HS3ST4: variants seen among roughly 807,000 people sequenced by gnomAD.
HS3ST4 encodes heparan sulfate-glucosamine 3-sulfotransferase 4.
A neutral mutation model predicts 29.2 loss-of-function variants in HS3ST4; 17 were observed. The observed-to-expected ratio is 0.58, with a 90% CI of 0.40 to 0.87. HS3ST4 has a LOEUF of 0.87. HS3ST4 is among the 40% of genes least tolerant of loss of function. The pLI, the probability that HS3ST4 is intolerant of heterozygous loss-of-function variation, is 0.00. For synonymous variants in HS3ST4, 314 were observed against 285.7 expected (o/e 1.10, Z -1.00); for missense variants, 627 against 634.5 (o/e 0.99, Z 0.13).
intron 1 of HS3ST4, among the ~76,000 whole-genome samples, chr16:26,079,023 G>A (rs2141781371): frequency 6.6e-6 from 1 of 152,304 alleles, no homozygotes; most frequent in African/African-American, 2.4e-5. Context: ...TGTGGTGCTT[G>A]GCAGGAAGAA....
chr16:25,998,381 T>C (rs952177113), intron 1 of HS3ST4, among the ~76,000 whole-genome samples: 7 of 152,220 alleles, frequency 4.6e-5, no homozygotes, highest in African/African-American at 1.7e-4. Flanking sequence ...CTAGATAGTA[T>C]ACTTCTGTTA....
intron 1 of HS3ST4, among the ~76,000 whole-genome samples, chr16:25,949,452 GA>G (rs1209107521): frequency 6.6e-6 from 1 of 152,142 alleles, no homozygotes; most frequent in African/African-American, 2.4e-5. Context: ...TTGAACAAGT[GA>G]ATGTTCTTTT....
At position 26,006,202 on chromosome 16, in the gene HS3ST4, G is replaced by A. The variant is rs545065478; in HGVS notation, c.735-129410G>A. On this transcript the variant is annotated intron_variant, in intron 1 of 1. Coordinates refer to ENST00000331351, the MANE Select transcript of HS3ST4 (RefSeq NM_006040.3). The stretch of plus-strand genomic sequence containing the variant: ...TAGTCCCAGCTACTTGGGAGGCTGA[G>A]GCAGGAGAATTGCTTGAACCCAGGA... 1.5e-3 allele frequency among the ~76,000 whole-genome samples: 222 copies of A among 150,996 alleles called. 2 individuals are homozygous for A. Among genetic ancestry groups the A allele is most frequent in the Non-Finnish European group, 3.1e-4 (21 of 67,840 alleles).
intron 1 of HS3ST4, among the ~76,000 whole-genome samples, chr16:26,009,411 T>C (rs941750458): frequency 3.3e-5 from 5 of 152,228 alleles, no homozygotes; most frequent in African/African-American, 1.2e-4. Context: ...TGTTGATGGC[T>C]CAGTAAATAT....
At chr16:25,988,133 T>G (rs1435462677) in intron 1 of HS3ST4, among the ~76,000 whole-genome samples, 1 of 152,192 alleles carries the variant, frequency 6.6e-6, no homozygotes, top group Non-Finnish European at 1.5e-5. Context: ...GGCTGCCGGC[T>G]AATTCATCTG....
intron 1 of HS3ST4, among the ~76,000 whole-genome samples, chr16:25,778,073 A>G (rs1047672108): frequency 2.0e-5 from 3 of 151,908 alleles, no homozygotes; most frequent in Non-Finnish European, 4.4e-5. Context: ...ATTTTTCAGT[A>G]TTTCTTTTAT....
At chr16:26,050,164 C>A (rs1898322378) in intron 1 of HS3ST4, among the ~76,000 whole-genome samples, 1 of 152,184 alleles carries the variant, frequency 6.6e-6, no homozygotes, top group Non-Finnish European at 1.5e-5. Flanking sequence ...CAGTAACCAG[C>A]CCCATCCTGA....
intron 1 of HS3ST4, among the ~76,000 whole-genome samples, chr16:25,773,509 C>T (rs1966844778): frequency 6.6e-6 from 1 of 152,178 alleles, no homozygotes. Context: ...TAACTCTCAT[C>T]CCTAGCATGG....
At position 26,115,233 on chromosome 16, in the gene HS3ST4, GTGTA is replaced by G. The variant is rs1396499915; in HGVS notation, c.735-20375_735-20372del. On this transcript the variant is annotated intron_variant, in intron 1 of 1. Coordinates refer to ENST00000331351, the MANE Select transcript of HS3ST4 (RefSeq NM_006040.3). ...TGAATATATATATTCATGTATATGT[GTGTA>G]TGTGTGTGTATATATATATACATAT... 3.5e-4 allele frequency among the ~76,000 whole-genome samples: 47 copies of G among 134,856 alleles called. No individual in the cohort carries two copies. In the South Asian group the frequency reaches 0.011, roughly 31 times the overall value. The allele number at this position is 134,856 out of a possible 152,430, so 88.5% of individuals were successfully genotyped here. A position where few individuals can be genotyped will look rare whatever the true frequency, so the allele number is the denominator to read the frequency against.
intron 1 of HS3ST4, among the ~76,000 whole-genome samples, chr16:25,768,701 C>T (rs981387377): frequency 6.6e-6 from 1 of 152,036 alleles, no homozygotes; most frequent in Non-Finnish European, 1.5e-5. Context: ...TGAGGTCCTC[C>T]CTGTCTCAGT....
intron 1 of HS3ST4, among the ~76,000 whole-genome samples, chr16:25,932,418 C>T (rs565625295): frequency 6.6e-6 from 1 of 152,346 alleles, no homozygotes; most frequent in African/African-American, 2.4e-5. Context: ...CTACTTATTA[C>T]TTCCTTGCTG....
chr16:25,929,241 G>A (rs2141686663), intron 1 of HS3ST4, among the ~76,000 whole-genome samples: 1 of 152,190 alleles, frequency 6.6e-6, no homozygotes, highest in Non-Finnish European at 1.5e-5. Flanking sequence ...AATTAGCTGG[G>A]TGTGATGGTG....
intron 1 of HS3ST4, among the ~76,000 whole-genome samples, chr16:26,048,930 T>G (rs150815315): frequency 1.4e-3 from 218 of 152,292 alleles, no homozygotes; most frequent in Non-Finnish European, 2.8e-3. Context: ...TTGATCATAC[T>G]ATGTCTGTCA....
At chr16:26,041,186 T>C (rs56942727) in intron 1 of HS3ST4, among the ~76,000 whole-genome samples, 1 of 151,768 alleles carries the variant, frequency 6.6e-6, no homozygotes, top group Admixed American at 6.6e-5. Flanking sequence ...AAAGCATTTT[T>C]AAAAAATCAC....
rs542319113 is a variant in HS3ST4 at position 26,119,361 on chromosome 16, G to A, written c.735-16251G>A. ...CAAAGTGGCAGAGGAATGATGGAGC[G>A]ATGGGAAGAAGAAGTTAAATTTAGA... On this transcript the variant is annotated intron_variant, in intron 1 of 1. Transcript: ENST00000331351. Among the ~76,000 whole-genome samples the A allele has an allele frequency of 2.6e-5, 4 of 152,352 alleles. No homozygotes were observed. The East Asian group carries it at 5.8e-4, about 22-fold the overall frequency.
chr16:26,090,724 G>A (rs1035198737), intron 1 of HS3ST4, among the ~76,000 whole-genome samples: 4 of 152,224 alleles, frequency 2.6e-5, no homozygotes, highest in Admixed American at 6.5e-5. Flanking sequence ...TTAGAGTTGC[G>A]GAGCCTCCAA....
chr16:25,717,316 T>C (rs1966461008), intron 1 of HS3ST4, among the ~76,000 whole-genome samples: 1 of 152,104 alleles, frequency 6.6e-6, no homozygotes, highest in South Asian at 2.1e-4. Flanking sequence ...TGTAATCAAT[T>C]AAAGTAAATA....
intron 1 of HS3ST4, among the ~76,000 whole-genome samples, chr16:25,776,446 C>G (rs1225725495): frequency 6.6e-6 from 1 of 152,200 alleles, no homozygotes; most frequent in African/African-American, 2.4e-5. Flanking sequence ...AGCCACCTCC[C>G]CACTTTGAGT....
intron 1 of HS3ST4, among the ~76,000 whole-genome samples, chr16:26,026,455 C>T (rs1969474695): frequency 6.6e-6 from 1 of 152,162 alleles, no homozygotes; most frequent in Non-Finnish European, 1.5e-5. Context: ...CACCAATGAT[C>T]TGGTTATTCC....
Sources: allele counts gnomAD v4.1 joint callset (sites outside exome capture counted in the v4.1 genomes callset), GRCh38; gene constraint gnomAD v4.1.1; transcripts MANE v1.5; gene names NCBI Gene and HGNC (gene_info 2026-07-23, HGNC 2026-07-21).